The following CDH12 variants were observed in gnomAD, a reference collection of about 807,000 sequenced individuals.
The protein encoded by CDH12 is cadherin-12.
In CDH12, 41 loss-of-function variants were observed where a neutral mutation model predicts 74.1. That is an observed-to-expected ratio of 0.55 (90% CI 0.43 to 0.72). The LOEUF (loss-of-function observed/expected upper bound fraction) is 0.72. Among genes scored for constraint, CDH12 ranks in the 30% least tolerant of loss-of-function variants. The pLI is 0.00. For missense variants in CDH12, 945 were observed against 977.2 expected (o/e 0.97, Z 0.44); for synonymous variants, 399 against 355.0 (o/e 1.12, Z -1.39).
chr5:22,470,693 C>T (rs762630523), intron 2 of CDH12, among the ~76,000 whole-genome samples: 8 of 152,090 alleles, frequency 5.3e-5, no homozygotes, highest in Non-Finnish European at 1.0e-4. Flanking sequence ...GCTGGCATTA[C>T]AAGCATGAGC....
At chr5:21,829,133 A>C (rs1316009590) in intron 8 of CDH12, among the ~76,000 whole-genome samples, 1 of 152,110 alleles carries the variant, frequency 6.6e-6, no homozygotes, top group Non-Finnish European at 1.5e-5. Flanking sequence ...TGTCTCTACT[A>C]AAAATACAAA....
At chr5:21,784,360 GCTTACACAT>G (rs1561182067) in intron 10 of CDH12, among the ~76,000 whole-genome samples, 1 of 151,910 alleles carries the variant, frequency 6.6e-6, no homozygotes, top group African/African-American at 2.4e-5. Flanking sequence ...TATTCTCAAT[GCTTACACAT>G]TGAGAATAAA....
At chr5:22,201,361 A>T (rs1750915271) in intron 4 of CDH12, among the ~76,000 whole-genome samples, 1 of 152,186 alleles carries the variant, frequency 6.6e-6, no homozygotes, top group Non-Finnish European at 1.5e-5. Flanking sequence ...GAATTAAATC[A>T]TGTCTTTTGT....
chr5:22,167,091 AC>A (rs1415445700), intron 4 of CDH12, among the ~76,000 whole-genome samples: 1 of 152,194 alleles, frequency 6.6e-6, no homozygotes, highest in Non-Finnish European at 1.5e-5. Flanking sequence ...GCAGTAATAT[AC>A]CTTTGACAGG....
intron 1 of CDH12, among the ~76,000 whole-genome samples, chr5:22,623,345 A>G (rs1314379600): frequency 6.6e-6 from 1 of 152,188 alleles, no homozygotes; most frequent in Non-Finnish European, 1.5e-5. Context: ...AAATAAAAGT[A>G]TCCAGTTAGG....
chr5:21,823,995 T>C (rs1748518419), intron 8 of CDH12, among the ~76,000 whole-genome samples: 1 of 152,182 alleles, frequency 6.6e-6, no homozygotes, highest in Non-Finnish European at 1.5e-5. Flanking sequence ...TATTAAATAA[T>C]AATCCTATGT....
At chr5:22,452,482 C>G (rs1215198545) in intron 2 of CDH12, among the ~76,000 whole-genome samples, 1 of 151,844 alleles carries the variant, frequency 6.6e-6, no homozygotes, top group Non-Finnish European at 1.5e-5. Context: ...ACAACAGTCT[C>G]TTCAATAAAT....
chr5:21,828,646 G>C (rs548170874), intron 8 of CDH12, among the ~76,000 whole-genome samples: 1 of 151,896 alleles, frequency 6.6e-6, no homozygotes, highest in Admixed American at 6.6e-5. Flanking sequence ...TCATATATTC[G>C]TGTATCACAT....
chr5:22,417,811 G>A (rs1580626852), intron 2 of CDH12, among the ~76,000 whole-genome samples: 1 of 151,806 alleles, frequency 6.6e-6, no homozygotes, highest in Admixed American at 6.6e-5. Context: ...ACATTATTTT[G>A]GATATTCTTA....
chr5:21,911,096 A>G (rs942365025), intron 6 of CDH12, among the ~76,000 whole-genome samples: 4 of 152,216 alleles, frequency 2.6e-5, no homozygotes, highest in Non-Finnish European at 4.4e-5. Context: ...GTCTTCCCCA[A>G]TGAAAGCATT....
intron 1 of CDH12, among the ~76,000 whole-genome samples, chr5:22,796,541 A>T: frequency 1.4e-5 from 1 of 69,564 alleles, no homozygotes; most frequent in Non-Finnish European, 2.3e-5. Flanking sequence ...TTTTTTTGAG[A>T]CGGAGTCTCG....
intron 4 of CDH12, among the ~76,000 whole-genome samples, chr5:22,107,486 A>ATATATACACATATAATTATTATATGTG (rs1744537688): frequency 3.0e-5 from 3 of 101,672 alleles, no homozygotes; most frequent in African/African-American, 1.2e-4. Flanking sequence ...ATACGTATGT[A>ATATATACACATATAATTATTATATGTG]TATATACACA....
Position 21,995,856 on chromosome 5 carries a change from A to G in CDH12, c.232-20471T>C, listed in dbSNP as rs114611698. Among the ~76,000 whole-genome samples the G allele has an allele frequency of 6.3e-3, 952 of 152,168 alleles. 7 individuals are homozygous for G. Among genetic ancestry groups the G allele is most frequent in the African/African-American group, 0.022 (912 of 41,534 alleles). ...AACTACTGCTGTATTTTTAGTTTAA[A>G]ACAGGCTTTATTTAGTGCCTTATAA... On this transcript the variant is annotated intron_variant, in intron 5 of 14. Transcript: ENST00000382254.
chr5:22,473,472 A>G (rs1485642169), intron 2 of CDH12, among the ~76,000 whole-genome samples: 2 of 152,152 alleles, frequency 1.3e-5, no homozygotes, highest in African/African-American at 4.8e-5. Context: ...AAGTGCCTAA[A>G]GCACTCACCT....
rs1408899389 is a variant in CDH12, at chr5:21,765,056, G to C, written c.1437C>G (p.Val479=). 1.2e-6 allele frequency: 2 copies of C among 1,608,308 alleles called. No individual in the cohort carries two copies. Among genetic ancestry groups the C allele is most frequent in the Non-Finnish European group, 1.7e-6 (2 of 1,176,444 alleles). The stretch of plus-strand genomic sequence containing the variant: ...CTGGAGGAAATTCATTTACATCTAA[G>C]ACATTAATCAGTATATTGACTTTGC... ...LTSKVNILIN[V]LDVNEFPPEI... Residue 479 remains valine, a synonymous_variant, in exon 12 of 15, where the codon GTC becomes GTG. Coordinates refer to ENST00000382254, the MANE Select transcript of CDH12 (RefSeq NM_004061.5).
chr5:22,250,460 G>A (rs536737901), intron 3 of CDH12, among the ~76,000 whole-genome samples: 6 of 152,162 alleles, frequency 3.9e-5, no homozygotes, highest in African/African-American at 7.2e-5. Context: ...CGTTCTAATC[G>A]TGGATATCGC....
chr5:22,518,671 A>G (rs1235352122), intron 1 of CDH12, among the ~76,000 whole-genome samples: 3 of 152,182 alleles, frequency 2.0e-5, no homozygotes, highest in African/African-American at 4.8e-5. Flanking sequence ...TTAGCATGTA[A>G]TATTTCACAA....
At chr5:22,435,334 C>T (rs1415686766) in intron 2 of CDH12, among the ~76,000 whole-genome samples, 1 of 151,790 alleles carries the variant, frequency 6.6e-6, no homozygotes, top group African/African-American at 2.4e-5. Context: ...CTTCATCTTG[C>T]AGATGGCTTA....
chr5:21,867,421 G>T (rs1012066405), intron 6 of CDH12, among the ~76,000 whole-genome samples: 1 of 152,094 alleles, frequency 6.6e-6, no homozygotes. Context: ...AAAATGTATG[G>T]AAATGCCTGG....
Sources: gnomAD v4.1 joint callset for allele counts (sites outside exome capture counted in the v4.1 genomes callset) on GRCh38, gnomAD v4.1.1 for gene constraint, MANE v1.5 for transcripts, NCBI Gene and HGNC (gene_info 2026-07-23, HGNC 2026-07-21) for gene names.